IL1RAPL1: variants seen among roughly 807,000 people sequenced by gnomAD.
IL1RAPL1 encodes interleukin 1 receptor accessory protein like 1.
IL1RAPL1 carries 3 observed loss-of-function variants against 48.4 expected under a neutral mutation model. The ratio of observed to expected loss-of-function variants is 0.06; its 90% CI spans 0.03 to 0.16. The LOEUF is 0.16. Among genes scored for constraint, IL1RAPL1 ranks in the 10% least tolerant of loss-of-function variants. The pLI is 1.00. For missense variants in IL1RAPL1, 349 were observed against 530.6 expected (o/e 0.66, Z 3.36); for synonymous variants, 185 against 187.7 (o/e 0.99, Z 0.12).
rs764666016 is a variant in IL1RAPL1, at chrX:28,627,862, CT to C, written c.-25+39826del. Among the ~76,000 whole-genome samples, 576 of 104,742 alleles carry C rather than the reference CT, an allele frequency of 5.5e-3. 4 individuals are homozygous for C. Among genetic ancestry groups the C allele is most frequent in the Admixed American group, 8.6e-3 (84 of 9,732 alleles). 91.0% of individuals were successfully genotyped at this position (104,742 alleles called of 115,157 possible). A position where few individuals can be genotyped will look rare whatever the true frequency, so the allele number is the denominator to read the frequency against. ...TTTATTGGGTCACATCATTTTCTTT[CT>C]TTTTTTTTTTGACATCATTTTCTTT... On this transcript the variant is annotated intron_variant, in intron 1 of 10. Coordinates refer to ENST00000378993, the MANE Select transcript of IL1RAPL1 (RefSeq NM_014271.4).
rs149917816 is a variant in IL1RAPL1 at position 29,311,320 on chromosome X, G to T, written c.362+28103G>T. On this transcript the variant is annotated intron_variant, in intron 3 of 10. Transcript: ENST00000378993. ...TATGAATCAAGCAGTAAAGAATATG[G>T]CAGAGTTGCATTACAATTTGCAGTC... Among the ~76,000 whole-genome samples the T allele has an allele frequency of 2.4e-3, 267 of 111,870 alleles. 1 individual carries two copies. The highest frequency in any genetic ancestry group is 8.0e-3 in the African/African-American group (247 of 30,855).
intron 6 of IL1RAPL1, among the ~76,000 whole-genome samples, chrX:29,814,995 A>G (rs1930463789): frequency 9.0e-6 from 1 of 111,547 alleles, no homozygotes; most frequent in Non-Finnish European, 1.9e-5. Flanking sequence ...CTTATAGTTT[A>G]AAGTTGGGTA....
At chrX:29,824,499 C>T (rs764685830) in intron 6 of IL1RAPL1, among the ~76,000 whole-genome samples, 3 of 111,209 alleles carry the variant, frequency 2.7e-5, no homozygotes, top group African/African-American at 6.5e-5. Context: ...AGCTTGTGTC[C>T]GAGGGTAGAA....
chrX:29,397,817 G>A (rs943136967), intron 4 of IL1RAPL1, among the ~76,000 whole-genome samples: 4 of 111,106 alleles, frequency 3.6e-5, no homozygotes, highest in African/African-American at 1.3e-4. Context: ...TGTCTTTGTT[G>A]TTCACTAATA....
intron 2 of IL1RAPL1, among the ~76,000 whole-genome samples, chrX:29,179,052 T>C (rs2147519178): frequency 8.9e-6 from 1 of 111,978 alleles, no homozygotes; most frequent in Non-Finnish European, 1.9e-5. Flanking sequence ...TTTGTTCTTT[T>C]GGCTTAGGAT....
intron 5 of IL1RAPL1, among the ~76,000 whole-genome samples, chrX:29,456,202 T>C (rs1934736618): frequency 8.9e-6 from 1 of 112,549 alleles, no homozygotes; most frequent in Non-Finnish European, 1.9e-5. Flanking sequence ...TTAAAATATT[T>C]TGTTGCACGT....
At chrX:29,928,618 C>T (rs1482025309) in intron 8 of IL1RAPL1, among the ~76,000 whole-genome samples, 1 of 111,976 alleles carries the variant, frequency 8.9e-6, no homozygotes, top group African/African-American at 3.2e-5. Context: ...GGTTAGGCAT[C>T]CTTACTAGTG....
intron 5 of IL1RAPL1, among the ~76,000 whole-genome samples, chrX:29,577,590 T>A (rs186786750): frequency 7.4e-4 from 83 of 112,190 alleles, no homozygotes; most frequent in Middle Eastern, 4.6e-3. Flanking sequence ...ATGATATATA[T>A]GAACAAGTTT....
chrX:29,932,266 G>T (rs1932959683), intron 8 of IL1RAPL1, among the ~76,000 whole-genome samples: 1 of 111,883 alleles, frequency 8.9e-6, no homozygotes, highest in Non-Finnish European at 1.9e-5. Context: ...AAAGGGGAAA[G>T]GTTTTCTGCA....
At chrX:29,740,183 G>A (rs2147134997) in intron 6 of IL1RAPL1, among the ~76,000 whole-genome samples, 1 of 108,938 alleles carries the variant, frequency 9.2e-6, no homozygotes, top group South Asian at 4.0e-4. Flanking sequence ...TCGAATTAGG[G>A]TTCCTGTCCC....
chrX:28,986,811 A>G (rs1242887754), intron 2 of IL1RAPL1, among the ~76,000 whole-genome samples: 1 of 112,316 alleles, frequency 8.9e-6, no homozygotes, highest in African/African-American at 3.2e-5. Context: ...TCTTAGGATT[A>G]AGTATAGTCA....
intron 5 of IL1RAPL1, among the ~76,000 whole-genome samples, chrX:29,529,557 G>T (rs756900875): frequency 3.8e-5 from 4 of 105,152 alleles, no homozygotes; most frequent in Non-Finnish European, 7.8e-5. Context: ...AGCCGAGATC[G>T]TGCCACTGCA....
At chrX:28,670,171 G>A (rs1347413001) in intron 1 of IL1RAPL1, among the ~76,000 whole-genome samples, 2 of 111,614 alleles carry the variant, frequency 1.8e-5, no homozygotes, top group African/African-American at 3.3e-5. Context: ...TTGGTCACCC[G>A]CTTTAAAGCA....
intron 6 of IL1RAPL1, among the ~76,000 whole-genome samples, chrX:29,723,876 G>C (rs1470294338): frequency 9.0e-6 from 1 of 111,236 alleles, no homozygotes; most frequent in African/African-American, 3.3e-5. Flanking sequence ...GTACAGTGGT[G>C]TGATCTGAGC....
At position 29,826,738 on chromosome X, in the gene IL1RAPL1, A is replaced by C. The variant is rs929179947; in HGVS notation, c.779-90726A>C. 2.7e-5 allele frequency among the ~76,000 whole-genome samples: 3 copies of C among 112,217 alleles called. No homozygotes were observed. In the East Asian group the frequency reaches 8.4e-4, roughly 31 times the overall value. On this transcript the variant is annotated intron_variant, in intron 6 of 10. Coordinates refer to ENST00000378993, the MANE Select transcript of IL1RAPL1 (RefSeq NM_014271.4). ...ACCTCATTCCTTTTTATGGATGACT[A>C]ATGTTCCATTGTATGGATATACTAC... is the stretch of plus-strand genomic sequence containing the variant.
intron 2 of IL1RAPL1, among the ~76,000 whole-genome samples, chrX:28,918,201 A>G (rs775397857): frequency 8.9e-6 from 1 of 112,096 alleles, no homozygotes. Flanking sequence ...TAGTCACTAT[A>G]TCTTATTATA....
In IL1RAPL1 at chrX:28,825,070, A is replaced by G. The variant is rs80319156; in HGVS notation, c.82+35645A>G. ...ACTGTGACTTTTCCAACTACACAAC[A>G]GCAGAATTCTAGCATTTAGCATGTT... On this transcript the variant is annotated intron_variant, in intron 2 of 10. Transcript: ENST00000378993. 4.5e-5 allele frequency among the ~76,000 whole-genome samples: 5 copies of G among 111,756 alleles called. No individual in the cohort carries two copies. In the East Asian group the frequency reaches 1.4e-3, roughly 32 times the overall value.
At chrX:29,418,277 C>T (rs931075267) in intron 5 of IL1RAPL1, among the ~76,000 whole-genome samples, 3 of 105,401 alleles carry the variant, frequency 2.8e-5, no homozygotes, top group Non-Finnish European at 5.8e-5. Context: ...AGGCCCACGC[C>T]ACCACGCCCC....
intron 3 of IL1RAPL1, among the ~76,000 whole-genome samples, chrX:29,336,268 C>CTATATATA (rs1569289381): frequency 1.9e-4 from 1 of 5,208 alleles, no homozygotes; most frequent in Non-Finnish European, 4.5e-4. Context: ...CATATATATG[C>CTATATATA]CATATATATA....
Sources: gnomAD v4.1 joint callset for allele counts (sites outside exome capture counted in the v4.1 genomes callset) on GRCh38, gnomAD v4.1.1 for gene constraint, MANE v1.5 for transcripts, NCBI Gene and HGNC (gene_info 2026-07-23, HGNC 2026-07-21) for gene names.